The following KCNN3 variants were observed in gnomAD, a reference collection of about 807,000 sequenced individuals.
The protein encoded by KCNN3 is potassium calcium-activated channel subfamily N member 3.
Under a neutral mutation model 62.9 loss-of-function variants are expected in KCNN3, and 16 were observed. The observed-to-expected ratio is 0.25, with a 90% CI of 0.17 to 0.39. The LOEUF (loss-of-function observed/expected upper bound fraction) is 0.39, where lower values mean the gene tolerates loss of function less well. Ranked by LOEUF, KCNN3 falls within the 10% of genes least tolerant of loss-of-function variation. The pLI is 1.00. For missense variants in KCNN3, 599 were observed against 949.4 expected (o/e 0.63, Z 4.85); for synonymous variants, 370 against 389.2 (o/e 0.95, Z 0.58).
In KCNN3 at chr1:154,869,708, G is replaced by T; in HGVS notation, c.257C>A (p.Ser86Tyr). 1 of 1,500,460 alleles carries T rather than the reference G, an allele frequency of 6.7e-7. No individual in the cohort carries two copies. The highest frequency in any genetic ancestry group is 1.5e-5 in the African/African-American group (1 of 65,586). The allele number at this position is 1,500,460 out of a possible 1,614,324, so 92.9% of individuals were successfully genotyped here. Residue 86 changes from serine (S) to tyrosine (Y), a missense_variant, in exon 1 of 8, where the codon TCT (serine) becomes TAT (tyrosine). Transcript: ENST00000271915. This position sits in a 1 kb window ranked among gnomAD's most constrained non-coding sequence, Gnocchi z 6.1. ...CTGGCTCTGGAGTTGGGCGAGCTGA[G>T]ACAGGGGATGCGGTGGCTGCTGCTG... ...QQQQQPPHPLSQLAQLQSQPV... is the reference protein window; with the variant it reads ...QQQQQPPHPLYQLAQLQSQPV...
At chr1:154,868,356 A>T (rs1355093735) in intron 1 of KCNN3, 2 of 987,400 alleles carry the variant, frequency 2.0e-6, no homozygotes, top group African/African-American at 3.5e-5. Flanking sequence ...TCCTCCACCT[A>T]TATTTTTACC....
chr1:154,804,009 G>A (rs1312824344), intron 2 of KCNN3, among the ~76,000 whole-genome samples: 1 of 152,198 alleles, frequency 6.6e-6, no homozygotes, highest in African/African-American at 2.4e-5. Context: ...TTCCTTGGAT[G>A]TCCCTTTTGA....
At position 154,706,350 on chromosome 1, in the gene KCNN3, A is replaced by G. The variant is rs1699965939; in HGVS notation, c.*1626T>C. The G allele has an allele frequency of 6.6e-6, 1 of 152,216 alleles. No homozygotes were observed. Among genetic ancestry groups the G allele is most frequent in the African/African-American group, 2.4e-5 (1 of 41,454 alleles). The allele number at this position is 152,216 out of a possible 1,614,324, so 9.4% of individuals were successfully genotyped here. On this transcript the variant is annotated 3_prime_UTR_variant, in exon 8 of 8. Transcript: ENST00000271915. ...CAAGATGACAACCACAAGCAAAAAAATCACCCTTTTGTTTTACCATCAACA... is the reference window on the plus strand; with the variant it reads ...CAAGATGACAACCACAAGCAAAAAAGTCACCCTTTTGTTTTACCATCAACA...
intron 3 of KCNN3, among the ~76,000 whole-genome samples, chr1:154,750,862 CAGCT>C (rs898159761): frequency 1.1e-4 from 16 of 152,192 alleles, no homozygotes; most frequent in African/African-American, 3.9e-4. Context: ...AGGACCCCCT[CAGCT>C]TCTGAGCTTT....
chr1:154,739,197 AG>A (rs1448134915), intron 3 of KCNN3, among the ~76,000 whole-genome samples: 1 of 152,236 alleles, frequency 6.6e-6, no homozygotes, highest in African/African-American at 2.4e-5. Context: ...ATACCACGGA[AG>A]GATTGACTCT....
intron 2 of KCNN3, among the ~76,000 whole-genome samples, chr1:154,794,785 G>A (rs972298991): frequency 2.6e-5 from 4 of 152,154 alleles, no homozygotes; most frequent in African/African-American, 9.7e-5. Flanking sequence ...AGGACTTTGA[G>A]CCCATCTAGA....
At chr1:154,747,946 A>G (rs1297933386) in intron 3 of KCNN3, among the ~76,000 whole-genome samples, 1 of 152,140 alleles carries the variant, frequency 6.6e-6, no homozygotes, top group African/African-American at 2.4e-5. Context: ...TCCTCCGGAA[A>G]GCCGTCCCGG....
rs1558015706 is a variant in KCNN3 at position 154,869,762 on chromosome 1, T to TGCTGCTGCGGAG, written c.202_203insCTCCGCAGCAGC (p.Gln67_Gln68insProProGlnGln). ...CTGCTGCTGCTGCTGCTGCTGCTGC[T>TGCTGCTGCGGAG]GCTGAAGCTGCGGAGGCTGAGGCTG... is the stretch of plus-strand genomic sequence containing the variant. On this transcript the variant is annotated inframe_insertion, in exon 1 of 8. Transcript: ENST00000271915. This position sits in a 1 kb window ranked among gnomAD's most constrained non-coding sequence, Gnocchi z 6.1. 5 of 1,520,852 alleles carry TGCTGCTGCGGAG rather than the reference T, an allele frequency of 3.3e-6. No homozygotes were observed. The highest frequency in any genetic ancestry group is 4.4e-6 in the Non-Finnish European group (5 of 1,127,602). The allele number at this position is 1,520,852 out of a possible 1,614,324, so 94.2% of individuals were successfully genotyped here.
Position 154,702,498 on chromosome 1 carries a change from CTTG to C in KCNN3, c.*5475_*5477del, listed in dbSNP as rs1166088263. On this transcript the variant is annotated 3_prime_UTR_variant, in exon 8 of 8. Coordinates refer to ENST00000271915, the MANE Select transcript of KCNN3 (RefSeq NM_002249.6). ...TCCTCCATTAACATCCTGTCATTCT[CTTG>C]TTGTTCTCGTGGCCAGTGCAGAATG... is the stretch of plus-strand genomic sequence containing the variant. The C allele has an allele frequency of 6.6e-6, 1 of 151,042 alleles. No homozygotes were observed. The highest frequency in any genetic ancestry group is 1.5e-5 in the Non-Finnish European group (1 of 67,842). 9.4% of individuals were successfully genotyped at this position (151,042 alleles called of 1,614,324 possible).
intron 5 of KCNN3, among the ~76,000 whole-genome samples, chr1:154,715,229 G>C (rs1471290207): frequency 6.6e-6 from 1 of 152,140 alleles, no homozygotes; most frequent in Non-Finnish European, 1.5e-5. Flanking sequence ...CCTGAGGTCA[G>C]GAGTTCGAGA....
intron 2 of KCNN3, among the ~76,000 whole-genome samples, chr1:154,783,138 G>A (rs373049137): frequency 4.0e-4 from 61 of 151,910 alleles, no homozygotes; most frequent in Middle Eastern, 3.4e-3. Flanking sequence ...GCCTGAACCC[G>A]GGAGGCAGAG....
At chr1:154,722,697 C>T (rs1399396241) in intron 5 of KCNN3, among the ~76,000 whole-genome samples, 1 of 143,820 alleles carries the variant, frequency 7.0e-6, no homozygotes, top group Non-Finnish European at 1.5e-5. Context: ...CGGCCAAGAG[C>T]TTCTAAGGAT....
chr1:154,860,213 G>C (rs1652709001), intron 1 of KCNN3, among the ~76,000 whole-genome samples: 1 of 152,220 alleles, frequency 6.6e-6, no homozygotes, highest in Non-Finnish European at 1.5e-5. Context: ...TCTTGAAGGG[G>C]AAATTGTGTT....
chr1:154,767,001 G>A (rs1174108857), intron 3 of KCNN3, among the ~76,000 whole-genome samples: 1 of 152,092 alleles, frequency 6.6e-6, no homozygotes, highest in Non-Finnish European at 1.5e-5. Context: ...TTTTCTTGGA[G>A]TGGAAGTACC....
intron 2 of KCNN3, among the ~76,000 whole-genome samples, chr1:154,787,425 C>T (rs1460463152): frequency 6.6e-6 from 1 of 152,234 alleles, no homozygotes; most frequent in African/African-American, 2.4e-5. Context: ...CTGGCCTCAG[C>T]GTGCCAGGTA....
intron 3 of KCNN3, among the ~76,000 whole-genome samples, chr1:154,751,763 G>A (rs1647388894): frequency 6.6e-6 from 1 of 152,132 alleles, no homozygotes; most frequent in Non-Finnish European, 1.5e-5. Context: ...TGTTTTAAGG[G>A]AAGCAGCCAC....
rs114366685 is a variant in KCNN3, at chr1:154,830,307, C to T, written c.934-8123G>A. On this transcript the variant is annotated intron_variant, in intron 1 of 7. Coordinates refer to ENST00000271915, the MANE Select transcript of KCNN3 (RefSeq NM_002249.6). ...AGCCTGGAGAGGGTCACATTCCCAC[C>T]GTCCCTGGATGAGGAAGAGGTGGGG... 5.5e-3 allele frequency among the ~76,000 whole-genome samples: 839 copies of T among 152,340 alleles called. 11 individuals carry two copies. Among genetic ancestry groups the T allele is most frequent in the African/African-American group, 0.019 (775 of 41,578 alleles).
rs773426876 is a variant in KCNN3 at position 154,869,747 on chromosome 1, T to TGCTGCTGCTGCTGCA, written c.217_218insTGCAGCAGCAGCAGC (p.Gln72_Gln73insLeuGlnGlnGlnGln). 4.7e-5 allele frequency: 72 copies of TGCTGCTGCTGCTGCA among 1,522,932 alleles called. No homozygotes were observed. The African/African-American group carries it at 7.8e-4, about 16-fold the overall frequency. The allele number at this position is 1,522,932 out of a possible 1,614,324, so 94.3% of individuals were successfully genotyped here. On this transcript the variant is annotated inframe_insertion, in exon 1 of 8. Transcript: ENST00000271915. The surrounding 1 kb of genome is among the most constrained non-coding windows in gnomAD (Gnocchi z 6.1). Reference sequence around the variant, plus strand: ...TGGCTGCTGCTGCTGCTGCTGCTGCTGCTGCTGCTGCTGCTGCTGAAGCTG... The same window carrying TGCTGCTGCTGCTGCA: ...TGGCTGCTGCTGCTGCTGCTGCTGCTGCTGCTGCTGCTGCAGCTGCTGCTGCTGCTGCTGAAGCTG...
intron 1 of KCNN3, among the ~76,000 whole-genome samples, chr1:154,825,765 C>T (rs1466757429): frequency 1.3e-5 from 2 of 151,422 alleles, no homozygotes; most frequent in African/African-American, 4.9e-5. Context: ...ACTACGCAGC[C>T]ACTAAAAACA....
Sources: gnomAD v4.1 joint callset for allele counts (sites outside exome capture counted in the v4.1 genomes callset) on GRCh38, gnomAD v4.1.1 for gene constraint, Gnocchi (gnomAD v3.1) non-coding constraint, MANE v1.5 for transcripts, NCBI Gene and HGNC (gene_info 2026-07-23, HGNC 2026-07-21) for gene names.